COA5: variants seen among roughly 807,000 people sequenced by gnomAD.
COA5 encodes cytochrome c oxidase assembly factor 5, also known as protein C2orf64.
In COA5, 11 loss-of-function variants were observed where a neutral mutation model predicts 11.8. That is an observed-to-expected ratio of 0.93 (90% CI 0.59 to 1.54). The LOEUF (loss-of-function observed/expected upper bound fraction) is 1.54. Ranked by LOEUF, COA5 falls within the 40% of genes most tolerant of loss-of-function variation. The probability of loss-of-function intolerance (pLI) is 0.00; values close to 1 mark genes in which losing one functional copy is unlikely to be tolerated. For synonymous variants in COA5, 38 were observed against 37.5 expected (o/e 1.01, Z -0.05); for missense variants, 87 against 89.2 (o/e 0.97, Z 0.10).
At chr2:98,607,163 A>G (rs1700718152) in intron 1 of COA5, among the ~76,000 whole-genome samples, 1 of 152,174 alleles carries the variant, frequency 6.6e-6, no homozygotes, top group Non-Finnish European at 1.5e-5. Context: ...TATTTCTCCC[A>G]TGACACCAAG....
At chr2:98,603,013 CAG>C (rs1394480191) in intron 2 of COA5, among the ~76,000 whole-genome samples, 2 of 152,190 alleles carry the variant, frequency 1.3e-5, no homozygotes, top group African/African-American at 2.4e-5. Context: ...AGAAAGTAAA[CAG>C]AGCAGGGCCA....
rs549876738 is a variant in COA5 at position 98,600,094 on chromosome 2, C to G, written c.*658G>C. ...TAAGGATGTGGACTTGGAGCTGACA[C>G]TGGCCCATTATGTAGAGCGGGCCAG... is the stretch of plus-strand genomic sequence containing the variant. On this transcript the variant is annotated 3_prime_UTR_variant, in exon 3 of 3. Coordinates refer to ENST00000328709, the MANE Select transcript of COA5 (RefSeq NM_001008215.3). 1.3e-5 allele frequency: 2 copies of G among 152,590 alleles called. No individual in the cohort carries two copies. Among genetic ancestry groups the G allele is most frequent in the East Asian group, 3.9e-4 (2 of 5,192 alleles). The allele number at this position is 152,590 out of a possible 1,614,324, so 9.5% of individuals were successfully genotyped here. A position where few individuals can be genotyped will look rare whatever the true frequency, so the allele number is the denominator to read the frequency against.
intron 1 of COA5, 124 bp downstream of exon 1, chr2:98,608,183 G>T: frequency 1.4e-6 from 1 of 722,012 alleles, no homozygotes; most frequent in South Asian, 1.5e-5. Flanking sequence ...CAGTGAGCCC[G>T]AGCTGTGACC....
chr2:98,608,374 C>A lies in COA5; in HGVS notation c.32G>T (p.Gly11Val), dbSNP rs748522354. The stretch of plus-strand genomic sequence containing the variant: ...CTCCTTCAGGCCCGCGCACGCGCCG[C>A]CCTGCGGCTTGTCCTCATAATACTT... MPKYYEDKPQ[G>V]GACAGLKEDL... Residue 11 changes from glycine (G) to valine (V), a missense_variant, in exon 1 of 3, where the codon GGC becomes GTC. By Grantham distance (109) the Gly-to-Val change is moderately radical. Coordinates refer to ENST00000328709, the MANE Select transcript of COA5 (RefSeq NM_001008215.3). 2 of 1,608,178 alleles carry A rather than the reference C, an allele frequency of 1.2e-6. No homozygotes were observed. Among genetic ancestry groups the A allele is most frequent in the South Asian group, 1.1e-5 (1 of 90,318 alleles).
chr2:98,607,140 A>G (rs1700717954), intron 1 of COA5, among the ~76,000 whole-genome samples: 1 of 152,100 alleles, frequency 6.6e-6, no homozygotes, highest in African/African-American at 2.4e-5. Context: ...AGGAATTTAG[A>G]CCCTTAGATG....
chr2:98,605,733 G>A (rs765833103), intron 1 of COA5: 1 of 152,234 alleles, frequency 6.6e-6, no homozygotes, highest in Middle Eastern at 3.1e-3. Context: ...GAGGGCAGCA[G>A]TGGAATCTGT....
chr2:98,604,314 A>C, intron 1 of COA5, 123 bp from the exon 2 acceptor site: 3 of 784,218 alleles, frequency 3.8e-6, no homozygotes, highest in Non-Finnish European at 6.5e-6. Flanking sequence ...AAAGTTATGT[A>C]GGAAATAGTT....
At chr2:98,608,162 C>A (rs1575226511) in intron 1 of COA5, 145 bp downstream of exon 1, 5 of 672,626 alleles carry the variant, frequency 7.4e-6, no homozygotes, top group Admixed American at 4.4e-5. Flanking sequence ...CTCAGTGGAT[C>A]TGCGCACGTT....
chr2:98,604,227 G>T, intron 1 of COA5, 36 bp from the exon 2 acceptor site: 3 of 1,485,004 alleles, frequency 2.0e-6, no homozygotes, highest in Non-Finnish European at 2.8e-6. Flanking sequence ...AAACACCTTG[G>T]AAATTTTCTC....
chr2:98,607,303 A>G lies in COA5; in HGVS notation c.99+1004T>C, dbSNP rs540359295. On this transcript the variant is annotated intron_variant, in intron 1 of 2. Coordinates refer to ENST00000328709, the MANE Select transcript of COA5 (RefSeq NM_001008215.3). ...CACCAGTGAGTAAGGGGCAGAAGGGACACAGCCCTGGACAGGGGAGCCTGA... is the reference window on the plus strand; with the variant it reads ...CACCAGTGAGTAAGGGGCAGAAGGGGCACAGCCCTGGACAGGGGAGCCTGA... 2.0e-5 allele frequency among the ~76,000 whole-genome samples: 3 copies of G among 152,332 alleles called. No homozygotes were observed. In the East Asian group the frequency reaches 5.8e-4, roughly 29 times the overall value.
rs562324707 is a variant in COA5 at position 98,600,513 on chromosome 2, T to G, written c.*239A>C. On this transcript the variant is annotated 3_prime_UTR_variant, in exon 3 of 3. Transcript: ENST00000328709. ...AACAATTCTCAAAACACATTTATTA[T>G]GCTCCCAACCCATACCTGTTCAATT... The G allele has an allele frequency of 3.7e-6, 2 of 541,828 alleles. No individual in the cohort carries two copies. The highest frequency in any genetic ancestry group is 4.3e-5 in the South Asian group (2 of 46,942). The allele number at this position is 541,828 out of a possible 1,614,324, so 33.6% of individuals were successfully genotyped here.
At chr2:98,602,078 G>C (rs552105830) in intron 2 of COA5, among the ~76,000 whole-genome samples, 67 of 151,972 alleles carry the variant, frequency 4.4e-4, no homozygotes, top group Non-Finnish European at 8.4e-4. Context: ...CTGAGCACTA[G>C]GTAAAGTAGC....
At chr2:98,605,122 C>G (rs965122944) in intron 1 of COA5, among the ~76,000 whole-genome samples, 5 of 152,210 alleles carry the variant, frequency 3.3e-5, no homozygotes, top group Non-Finnish European at 5.9e-5. Context: ...CATCTAGATA[C>G]ACTAAAGCTA....
intron 2 of COA5, among the ~76,000 whole-genome samples, chr2:98,603,428 C>G (rs943441375): frequency 2.6e-5 from 4 of 152,142 alleles, no homozygotes; most frequent in African/African-American, 9.7e-5. Context: ...TTGCAGTGAT[C>G]TGAGATTGCG....
At chr2:98,601,854 T>C (rs1700645431) in intron 2 of COA5, among the ~76,000 whole-genome samples, 1 of 152,164 alleles carries the variant, frequency 6.6e-6, no homozygotes, top group African/African-American at 2.4e-5. Context: ...ACGTTCCTTA[T>C]GAGAATCTAA....
Position 98,600,654 on chromosome 2 carries a change from A to C in COA5, c.*98T>G. The C allele has an allele frequency of 1.9e-6, 2 of 1,043,884 alleles. No individual in the cohort carries two copies. Among genetic ancestry groups the C allele is most frequent in the Non-Finnish European group, 2.9e-6 (2 of 683,274 alleles). 64.7% of individuals were successfully genotyped at this position (1,043,884 alleles called of 1,614,324 possible). A position where few individuals can be genotyped will look rare whatever the true frequency, so the allele number is the denominator to read the frequency against. On this transcript the variant is annotated 3_prime_UTR_variant, in exon 3 of 3. Coordinates refer to ENST00000328709, the MANE Select transcript of COA5 (RefSeq NM_001008215.3). ...CGGAGGGGAAATCTGGTCCAACCAAACAGATGTAGTAAAAAGTATGTTTCC... is the reference window on the plus strand; with the variant it reads ...CGGAGGGGAAATCTGGTCCAACCAACCAGATGTAGTAAAAAGTATGTTTCC...
intron 1 of COA5, among the ~76,000 whole-genome samples, chr2:98,608,051 A>C (rs909015937): frequency 1.3e-5 from 2 of 152,260 alleles, no homozygotes; most frequent in Non-Finnish European, 2.9e-5. Context: ...CATTCAATAA[A>C]GGCTTCGTGA....
intron 1 of COA5, among the ~76,000 whole-genome samples, chr2:98,606,787 T>C (rs997502294): frequency 6.6e-6 from 1 of 152,162 alleles, no homozygotes; most frequent in Non-Finnish European, 1.5e-5. Context: ...TAAAATCCAG[T>C]CTCCTCACTC....
chr2:98,608,137 C>G (rs890005428), intron 1 of COA5, 170 bp downstream of exon 1: 3 of 633,414 alleles, frequency 4.7e-6, no homozygotes, highest in Middle Eastern at 4.1e-4. Flanking sequence ...CCACAGGGAA[C>G]TGGGGCTCCG....
Sources: gnomAD v4.1 joint callset for allele counts (sites outside exome capture counted in the v4.1 genomes callset) on GRCh38, gnomAD v4.1.1 for gene constraint, MANE v1.5 for transcripts, NCBI Gene and HGNC (gene_info 2026-07-23, HGNC 2026-07-21) for gene names.